TAF2: variants seen among roughly 807,000 people sequenced by gnomAD.
TAF2 encodes TATA-box binding protein associated factor 2, also known as transcription initiation factor TFIID subunit 2.
A neutral mutation model predicts 138.5 loss-of-function variants in TAF2; 61 were observed. That is an observed-to-expected ratio of 0.44 (90% CI 0.36 to 0.54). TAF2 has a LOEUF of 0.54. Ranked by LOEUF, TAF2 falls within the 20% of genes least tolerant of loss-of-function variation. The pLI, the probability that TAF2 is intolerant of heterozygous loss-of-function variation, is 0.00. For synonymous variants in TAF2, 475 were observed against 469.9 expected (o/e 1.01, Z -0.14); for missense variants, 1,090 against 1,427.9 (o/e 0.76, Z 3.81).
chr8:119,787,347 A>C (rs967648037), intron 14 of TAF2, among the ~76,000 whole-genome samples: 1 of 152,078 alleles, frequency 6.6e-6, no homozygotes, highest in African/African-American at 2.4e-5. Flanking sequence ...CTAAAACTTA[A>C]AGTATAATAA....
chr8:119,788,056 G>A (rs10113562), intron 14 of TAF2, among the ~76,000 whole-genome samples: 42,501 of 151,796 alleles, frequency 0.28, 6,970 homozygotes, highest in Admixed American at 0.46. Flanking sequence ...CACAGACACA[G>A]GGAGGGGAAC....
chr8:119,762,730 T>A, intron 18 of TAF2, 122 bp from the exon 19 acceptor site: 1 of 833,252 alleles, frequency 1.2e-6, no homozygotes, highest in Non-Finnish European at 1.8e-6. Flanking sequence ...CACAAGCAAG[T>A]CCTCTGGTAA....
chr8:119,823,265 T>C (rs1825900326), intron 2 of TAF2, among the ~76,000 whole-genome samples: 2 of 152,226 alleles, frequency 1.3e-5, no homozygotes, highest in African/African-American at 4.8e-5. Context: ...TTCCATTCAG[T>C]ACAGTATGAC....
At chr8:119,785,118 T>C (rs2131147693) in intron 15 of TAF2, 83 bp downstream of exon 15, 3 of 1,092,752 alleles carry the variant, frequency 2.7e-6, no homozygotes, top group South Asian at 1.3e-5. Flanking sequence ...AGGACAGTTA[T>C]ACACTTTTAC....
At chr8:119,758,432 A>G (rs1472081276) in intron 20 of TAF2, among the ~76,000 whole-genome samples, 1 of 152,182 alleles carries the variant, frequency 6.6e-6, no homozygotes, top group Admixed American at 6.5e-5. Context: ...AGTTGTAATT[A>G]AGAACCCTAA....
rs532536010 is a variant in TAF2 at position 119,776,813 on chromosome 8, T to C, written c.2364+1206A>G. On this transcript the variant is annotated intron_variant, in intron 18 of 25. Transcript: ENST00000378164. The stretch of plus-strand genomic sequence containing the variant: ...TCATACTTTGGGAAAATCCTACTCA[T>C]CTTTATGACTCAGTTTGAGGGTCAC... Among the ~76,000 whole-genome samples, 6 of 152,322 alleles carry C rather than the reference T, an allele frequency of 3.9e-5. No homozygotes were observed. The East Asian group carries it at 1.2e-3, about 29-fold the overall frequency.
At chr8:119,750,862 A>G (rs984405283) in intron 22 of TAF2, among the ~76,000 whole-genome samples, 3 of 152,206 alleles carry the variant, frequency 2.0e-5, no homozygotes, top group Non-Finnish European at 4.4e-5. Context: ...ACAGCATTCA[A>G]TGACTTGAAC....
intron 25 of TAF2, 106 bp downstream of exon 25, chr8:119,742,428 A>G: frequency 7.0e-7 from 1 of 1,434,366 alleles, no homozygotes; most frequent in South Asian, 1.3e-5. Flanking sequence ...CCAAGTCCTA[A>G]GATCTGTATT....
intron 18 of TAF2, among the ~76,000 whole-genome samples, chr8:119,765,231 T>C (rs1438859049): frequency 6.6e-6 from 1 of 152,118 alleles, no homozygotes; most frequent in South Asian, 2.1e-4. Context: ...ACTTGTCAAG[T>C]GTTCTGGAGA....
intron 3 of TAF2, among the ~76,000 whole-genome samples, chr8:119,814,454 C>A (rs1042440309): frequency 5.3e-5 from 8 of 151,306 alleles, no homozygotes; most frequent in East Asian, 3.9e-4. Flanking sequence ...AAAAAAAAAA[C>A]CACAGCAATT....
chr8:119,786,516 C>A (rs1178898350), intron 14 of TAF2, among the ~76,000 whole-genome samples: 1 of 152,044 alleles, frequency 6.6e-6, no homozygotes, highest in Non-Finnish European at 1.5e-5. Context: ...GTTAAAAATT[C>A]TTATAAAAAT....
intron 23 of TAF2, among the ~76,000 whole-genome samples, chr8:119,746,051 T>C (rs1215991223): frequency 1.3e-5 from 2 of 152,122 alleles, no homozygotes; most frequent in African/African-American, 2.4e-5. Flanking sequence ...TTAACACATA[T>C]GGGACAAGAT....
chr8:119,828,864 C>T (rs1313746296), intron 2 of TAF2, among the ~76,000 whole-genome samples: 1 of 152,144 alleles, frequency 6.6e-6, no homozygotes, highest in Non-Finnish European at 1.5e-5. Context: ...ATATTTCAGG[C>T]TTTGTGGGTC....
At chr8:119,747,728 G>C (rs1820075904) in intron 22 of TAF2, among the ~76,000 whole-genome samples, 1 of 152,188 alleles carries the variant, frequency 6.6e-6, no homozygotes, top group African/African-American at 2.4e-5. Flanking sequence ...AAATTTGTCA[G>C]CTAGGGTTAC....
intron 16 of TAF2, 63 bp from the exon 17 acceptor site, chr8:119,781,256 C>T (rs1251197182): frequency 1.3e-6 from 2 of 1,589,470 alleles, no homozygotes; most frequent in Non-Finnish European, 1.7e-6. Flanking sequence ...TAAAATAAAA[C>T]AGCTTCTTAA....
chr8:119,782,661 C>T (rs768928938), intron 16 of TAF2, among the ~76,000 whole-genome samples: 5 of 152,082 alleles, frequency 3.3e-5, no homozygotes, highest in Non-Finnish European at 5.9e-5. Flanking sequence ...AAAGTTTTGT[C>T]TGCATTTTTC....
chr8:119,782,269 C>T (rs1822718402), intron 16 of TAF2, among the ~76,000 whole-genome samples: 1 of 152,092 alleles, frequency 6.6e-6, no homozygotes, highest in Non-Finnish European at 1.5e-5. Context: ...TCTTGCTTTA[C>T]CCTATGTCTT....
intron 25 of TAF2, among the ~76,000 whole-genome samples, chr8:119,734,663 T>C (rs1204943245): frequency 6.6e-6 from 1 of 152,170 alleles, no homozygotes. Context: ...GAAACTATAT[T>C]GGGACTGGGG....
chr8:119,754,128 C>A (rs1189905755), intron 22 of TAF2, among the ~76,000 whole-genome samples: 1 of 151,856 alleles, frequency 6.6e-6, no homozygotes, highest in Non-Finnish European at 1.5e-5. Flanking sequence ...CAAGGTCCAT[C>A]CTATTTTCAA....
Sources: gnomAD v4.1 joint callset for allele counts (sites outside exome capture counted in the v4.1 genomes callset) on GRCh38, gnomAD v4.1.1 for gene constraint, MANE v1.5 for transcripts, NCBI Gene and HGNC (gene_info 2026-07-23, HGNC 2026-07-21) for gene names.